Variants in NYX observed in about 807,000 individuals in gnomAD.
NYX encodes nyctalopin.
For synonymous variants in NYX, 258 were observed against 245.7 expected (o/e 1.05, Z -0.47); for missense variants, 481 against 485.4 (o/e 0.99, Z 0.09).
At chrX:41,459,904 G>A (rs752918106) in intron 2 of NYX, among the ~76,000 whole-genome samples, 64 of 105,017 alleles carry the variant, frequency 6.1e-4, no homozygotes, top group South Asian at 1.3e-3. Context: ...AAATACCTAG[G>A]AGTGGAATTG....
rs180920503 is a variant in NYX, at chrX:41,455,385, G to A, written c.22+7459G>A. On this transcript the variant is annotated intron_variant, in intron 2 of 2. Coordinates refer to ENST00000378220, the MANE Select transcript of NYX (RefSeq NM_001378477.3). ...GCCTCCCAAAGTGCTGGGATTACAGGCATGAGTCACTGCGCCCAGCCTGAG... is the reference window on the plus strand; with the variant it reads ...GCCTCCCAAAGTGCTGGGATTACAGACATGAGTCACTGCGCCCAGCCTGAG... 2.4e-3 allele frequency among the ~76,000 whole-genome samples: 271 copies of A among 110,932 alleles called. 1 individual carries two copies. The highest frequency in any genetic ancestry group is 8.3e-3 in the African/African-American group (255 of 30,568).
At chrX:41,459,697 C>A (rs2064311322) in intron 2 of NYX, among the ~76,000 whole-genome samples, 1 of 111,133 alleles carries the variant, frequency 9.0e-6, no homozygotes, top group South Asian at 3.8e-4. Context: ...TTTCTGTTAA[C>A]ATGTTTTTAT....
At chrX:41,471,839 T>A (rs201291031) in intron 2 of NYX, among the ~76,000 whole-genome samples, 29,034 of 98,971 alleles carry the variant, frequency 0.29, 3,269 homozygotes, top group South Asian at 0.56. Flanking sequence ...ATGTATTTTT[T>A]TTTTTTTTTC....
At chrX:41,458,124 T>A (rs1192843311) in intron 2 of NYX, among the ~76,000 whole-genome samples, 1 of 110,999 alleles carries the variant, frequency 9.0e-6, no homozygotes, top group Non-Finnish European at 1.9e-5. Context: ...TAACATTAAT[T>A]CCTTCATGAG....
In NYX at chrX:41,448,065, C is replaced by A. The variant is rs919564321; in HGVS notation, c.22+139C>A. On this transcript the variant is annotated intron_variant, in intron 2 of 2. Transcript: ENST00000378220. ...GATCAGGTTTCACTGACCCTGTGAT[C>A]GTGGGGGAGGGGATAGAGAAAGCAA... 6 of 604,789 alleles carry A rather than the reference C, an allele frequency of 9.9e-6. 1 individual carries two copies. The Middle Eastern group carries it at 9.5e-4, about 95-fold the overall frequency. The allele number at this position is 604,789 out of a possible 1,213,427, so 49.8% of individuals were successfully genotyped here.
intron 2 of NYX, among the ~76,000 whole-genome samples, chrX:41,459,668 AT>A (rs2064311210): frequency 9.0e-6 from 1 of 110,724 alleles, no homozygotes; most frequent in African/African-American, 3.3e-5. Context: ...ATCGTATAGT[AT>A]GTTTCTTTTG....
At chrX:41,465,830 T>G (rs965381701) in intron 2 of NYX, among the ~76,000 whole-genome samples, 1 of 109,040 alleles carries the variant, frequency 9.2e-6, no homozygotes, top group Non-Finnish European at 1.9e-5. Flanking sequence ...GCTGGGACCT[T>G]GAACTCTTAA....
At position 41,473,734 on chromosome X, in the gene NYX, G is replaced by A; in HGVS notation, c.266G>A (p.Arg89His). 8.6e-7 allele frequency: 1 copy of A among 1,157,923 alleles called. No individual in the cohort carries two copies. The highest frequency in any genetic ancestry group is 1.1e-6 in the Non-Finnish European group (1 of 874,592). The stretch of plus-strand genomic sequence containing the variant: ...CCGTCCTTGCGCCGCCTGTCGCTGC[G>A]CCACAACAACCTGTCCTTCATCACG... The part of the protein sequence containing the change: ...TLPSLRRLSL[R>H]HNNLSFITPG... Residue 89 changes from arginine (R) to histidine (H), a missense_variant, in exon 3 of 3, where the codon CGC becomes CAC. Arg to His is a conservative substitution (Grantham distance 29). Coordinates refer to ENST00000378220, the MANE Select transcript of NYX (RefSeq NM_001378477.3).
At chrX:41,451,883 T>G (rs1355608507) in intron 2 of NYX, among the ~76,000 whole-genome samples, 1 of 111,037 alleles carries the variant, frequency 9.0e-6, no homozygotes, top group Non-Finnish European at 1.9e-5. Flanking sequence ...GGTCAGTGGT[T>G]GCCTGGAGCC....
chrX:41,454,407 G>T (rs2064292245), intron 2 of NYX, among the ~76,000 whole-genome samples: 1 of 110,487 alleles, frequency 9.1e-6, no homozygotes, highest in Non-Finnish European at 1.9e-5. Flanking sequence ...CCGCCTCCCG[G>T]GTTCAAGCAA....
intron 2 of NYX, among the ~76,000 whole-genome samples, chrX:41,461,382 C>CATATATATATATAT (rs60185443): frequency 2.0e-5 from 2 of 101,543 alleles, no homozygotes; most frequent in African/African-American, 7.3e-5. Context: ...AATATTCCGT[C>CATATATATATATAT]ATATATATAT....
intron 2 of NYX, among the ~76,000 whole-genome samples, chrX:41,457,078 C>T (rs571458736): frequency 8.1e-5 from 9 of 111,029 alleles, no homozygotes; most frequent in East Asian, 5.7e-4. Context: ...GAGGCTGAGG[C>T]GGGTGGATCA....
At chrX:41,461,707 T>C (rs2064320698) in intron 2 of NYX, among the ~76,000 whole-genome samples, 1 of 111,598 alleles carries the variant, frequency 9.0e-6, no homozygotes, top group Non-Finnish European at 1.9e-5. Flanking sequence ...ATTTTTTGAT[T>C]TTTTGATTAT....
intron 2 of NYX, among the ~76,000 whole-genome samples, chrX:41,449,951 T>A (rs1164297687): frequency 9.0e-6 from 1 of 110,811 alleles, no homozygotes; most frequent in African/African-American, 3.3e-5. Context: ...CAGGCAGGGA[T>A]AGTGCTCTAC....
intron 2 of NYX, among the ~76,000 whole-genome samples, chrX:41,473,136 A>G (rs767641153): frequency 8.9e-6 from 1 of 111,789 alleles, no homozygotes; most frequent in Admixed American, 9.5e-5. Flanking sequence ...GTCAGTGCCG[A>G]AACAGTAGTT....
At chrX:41,457,895 T>A (rs899112126) in intron 2 of NYX, among the ~76,000 whole-genome samples, 1 of 110,960 alleles carries the variant, frequency 9.0e-6, no homozygotes, top group Non-Finnish European at 1.9e-5. Context: ...GTGCAGTGTC[T>A]TAGTCTATTT....
At chrX:41,457,134 C>T (rs1041742969) in intron 2 of NYX, among the ~76,000 whole-genome samples, 2 of 110,278 alleles carry the variant, frequency 1.8e-5, no homozygotes, top group Non-Finnish European at 3.8e-5. Flanking sequence ...TGGTGAAACC[C>T]CATCTCTATT....
chrX:41,451,641 G>A (rs888881251), intron 2 of NYX, among the ~76,000 whole-genome samples: 4 of 110,871 alleles, frequency 3.6e-5, no homozygotes, highest in Non-Finnish European at 7.6e-5. Context: ...AGCCTCCTGA[G>A]TAGCTGGGAT....
intron 2 of NYX, among the ~76,000 whole-genome samples, chrX:41,453,308 A>G (rs1441759942): frequency 9.0e-6 from 1 of 111,498 alleles, no homozygotes; most frequent in Non-Finnish European, 1.9e-5. Flanking sequence ...GGGGCTGGCC[A>G]GGACACCCGA....
Sources: gnomAD v4.1 joint callset for allele counts (sites outside exome capture counted in the v4.1 genomes callset) on GRCh38, gnomAD v4.1.1 for gene constraint, MANE v1.5 for transcripts, NCBI Gene and HGNC (gene_info 2026-07-23, HGNC 2026-07-21) for gene names.